The following NPAS2 variants were observed in gnomAD, a reference collection of about 807,000 sequenced individuals.
NPAS2 encodes the protein neuronal PAS domain-containing protein 2.
NPAS2 carries 23 observed loss-of-function variants against 107.5 expected under a neutral mutation model. The ratio of observed to expected loss-of-function variants is 0.21; its 90% CI spans 0.15 to 0.30. NPAS2 has a LOEUF of 0.30. Ranked by LOEUF, NPAS2 falls within the 10% of genes least tolerant of loss-of-function variation. NPAS2 has a pLI of 1.00. For missense variants in NPAS2, 756 were observed against 1,043.3 expected (o/e 0.72, Z 3.79); for synonymous variants, 403 against 417.5 (o/e 0.97, Z 0.42).
chr2:100,877,420 G>A (rs938687183), intron 1 of NPAS2, among the ~76,000 whole-genome samples: 3 of 124,486 alleles, frequency 2.4e-5, no homozygotes, highest in Admixed American at 8.7e-5. Context: ...AGCCGAGATC[G>A]CGCCACTAGA....
rs149603840 is a variant in NPAS2 at position 100,824,563 on chromosome 2, G to A, written c.-23+4149G>A. Among the ~76,000 whole-genome samples, 46 of 152,240 alleles carry A rather than the reference G, an allele frequency of 3.0e-4. No individual in the cohort carries two copies. In the East Asian group the frequency reaches 7.7e-3, roughly 26 times the overall value. On this transcript the variant is annotated intron_variant, in intron 1 of 20. Transcript: ENST00000335681. Reference sequence around the variant, plus strand: ...TCAATCTGTCTTTCCACCATAGTACGAGTTACTTGAAACTAGTGCCGAGCG... The same window carrying A: ...TCAATCTGTCTTTCCACCATAGTACAAGTTACTTGAAACTAGTGCCGAGCG...
chr2:100,833,257 C>T (rs1676856557), intron 1 of NPAS2, among the ~76,000 whole-genome samples: 1 of 152,174 alleles, frequency 6.6e-6, no homozygotes, highest in South Asian at 2.1e-4. Flanking sequence ...GTTGCATAAA[C>T]CCCATGACTC....
At chr2:100,917,212 C>T (rs533271674) in intron 2 of NPAS2, among the ~76,000 whole-genome samples, 1 of 151,974 alleles carries the variant, frequency 6.6e-6, no homozygotes, top group Non-Finnish European at 1.5e-5. Flanking sequence ...ATAGAAAAAT[C>T]AACTAAACTA....
chr2:100,946,515 G>A (rs576072712), intron 5 of NPAS2, among the ~76,000 whole-genome samples: 30 of 152,228 alleles, frequency 2.0e-4, no homozygotes, highest in African/African-American at 6.7e-4. Flanking sequence ...CAAACTGGAG[G>A]AAAAAAGGCT....
upstream of NPAS2, among the ~76,000 whole-genome samples, chr2:100,818,849 C>T (rs1675878647): frequency 6.6e-6 from 1 of 152,230 alleles, no homozygotes; most frequent in South Asian, 2.1e-4. Flanking sequence ...GGGGACCTTT[C>T]CCCTCTCCCG....
intron 8 of NPAS2, among the ~76,000 whole-genome samples, 169 bp downstream of exon 8, chr2:100,964,345 C>A (rs1266659164): frequency 6.6e-6 from 1 of 152,212 alleles, no homozygotes; most frequent in Non-Finnish European, 1.5e-5. Flanking sequence ...CTTTCCCCTG[C>A]CCCGTTTCCT....
At chr2:100,925,035 A>T in intron 2 of NPAS2, 111 bp from the exon 3 acceptor site, 1 of 1,155,040 alleles carries the variant, frequency 8.7e-7, no homozygotes, top group Non-Finnish European at 1.2e-6. Flanking sequence ...GAGTTTTTTG[A>T]TAAGATAGAT....
In NPAS2 at chr2:100,970,906, G is replaced by A. The variant is rs905402279; in HGVS notation, c.1056-84G>A. On this transcript the variant is annotated intron_variant, in intron 11 of 20. Coordinates refer to ENST00000335681, the MANE Select transcript of NPAS2 (RefSeq NM_002518.4). ...GGGCAGGGGTTACGTAGAGAACCTCGATGTACCTTGCTGTCTGTTCAGGTG... is the reference window on the plus strand; with the variant it reads ...GGGCAGGGGTTACGTAGAGAACCTCAATGTACCTTGCTGTCTGTTCAGGTG... The A allele has an allele frequency of 2.4e-5, 29 of 1,224,370 alleles. No individual in the cohort carries two copies. The East Asian group carries it at 2.6e-4, about 11-fold the overall frequency. The allele number at this position is 1,224,370 out of a possible 1,614,324, so 75.8% of individuals were successfully genotyped here. A position where few individuals can be genotyped will look rare whatever the true frequency, so the allele number is the denominator to read the frequency against.
intron 1 of NPAS2, among the ~76,000 whole-genome samples, chr2:100,890,490 TGGGCA>T (rs1680981409): frequency 6.6e-6 from 1 of 152,116 alleles, no homozygotes; most frequent in African/African-American, 2.4e-5. Context: ...GCAGGTGCTC[TGGGCA>T]GTACCACAGG....
At chr2:100,835,746 A>C (rs141608649) in intron 1 of NPAS2, among the ~76,000 whole-genome samples, 82 of 152,240 alleles carry the variant, frequency 5.4e-4, no homozygotes, top group African/African-American at 2.0e-3. Flanking sequence ...CACATTTGTC[A>C]AACAGCTTTT....
At chr2:100,843,512 G>A (rs1677578268) in intron 1 of NPAS2, among the ~76,000 whole-genome samples, 1 of 152,150 alleles carries the variant, frequency 6.6e-6, no homozygotes, top group African/African-American at 2.4e-5. Flanking sequence ...TCAGGTAAAA[G>A]TCTGCTTAGA....
chr2:100,983,785 C>G (rs1159411307), intron 16 of NPAS2: 2 of 152,238 alleles, frequency 1.3e-5, no homozygotes, highest in Non-Finnish European at 2.9e-5. Flanking sequence ...TTTTGACTTA[C>G]GCCTTCCCAG....
intron 5 of NPAS2, among the ~76,000 whole-genome samples, chr2:100,938,790 T>C (rs149273173): frequency 1.9e-3 from 284 of 151,688 alleles, no homozygotes; most frequent in African/African-American, 6.6e-3. Flanking sequence ...CACAGCATCA[T>C]TGTGAATGAC....
At chr2:100,860,593 T>A (rs910095094) in intron 1 of NPAS2, among the ~76,000 whole-genome samples, 1 of 152,142 alleles carries the variant, frequency 6.6e-6, no homozygotes, top group African/African-American at 2.4e-5. Flanking sequence ...CTTCTACGTG[T>A]GTTAGTTGGC....
intron 2 of NPAS2, among the ~76,000 whole-genome samples, chr2:100,924,801 C>T (rs1324403084): frequency 1.3e-5 from 2 of 152,148 alleles, no homozygotes; most frequent in African/African-American, 4.8e-5. Context: ...AAGGGCTCTC[C>T]GAGCACAGCC....
chr2:100,962,367 C>A (rs1675963331), intron 7 of NPAS2, among the ~76,000 whole-genome samples: 1 of 152,134 alleles, frequency 6.6e-6, no homozygotes, highest in African/African-American at 2.4e-5. Flanking sequence ...TTGCAGATTT[C>A]ATTTTATAAT....
intron 1 of NPAS2, among the ~76,000 whole-genome samples, chr2:100,879,136 G>T (rs1016249972): frequency 4.7e-5 from 7 of 150,216 alleles, no homozygotes; most frequent in Non-Finnish European, 8.9e-5. Flanking sequence ...AAAAAAAAAA[G>T]CCTTCTAAAT....
At chr2:100,974,643 G>A (rs1573767105) in intron 12 of NPAS2, among the ~76,000 whole-genome samples, 160 bp from the exon 13 acceptor site, 1 of 152,240 alleles carries the variant, frequency 6.6e-6, no homozygotes, top group South Asian at 2.1e-4. Context: ...TTACGTATAT[G>A]TATATACTCT....
intron 1 of NPAS2, among the ~76,000 whole-genome samples, chr2:100,852,213 G>A (rs557227243): frequency 2.1e-4 from 32 of 152,060 alleles, no homozygotes; most frequent in Admixed American, 3.3e-4. Context: ...TGGCTAACAC[G>A]GTGAAACCCC....
Sources: allele counts gnomAD v4.1 joint callset (sites outside exome capture counted in the v4.1 genomes callset), GRCh38; gene constraint gnomAD v4.1.1; transcripts MANE v1.5; gene names NCBI Gene and HGNC (gene_info 2026-07-23, HGNC 2026-07-21).